Variants in BDH1 observed in about 807,000 individuals in gnomAD.
BDH1 encodes the protein D-beta-hydroxybutyrate dehydrogenase, mitochondrial.
BDH1 carries 30 observed loss-of-function variants against 33.1 expected under a neutral mutation model. That is an observed-to-expected ratio of 0.91 (90% CI 0.68 to 1.23). BDH1 has a LOEUF of 1.23. BDH1 is among the 50% of genes most tolerant of loss of function. The pLI, the probability that BDH1 is intolerant of heterozygous loss-of-function variation, is 0.00. For synonymous variants in BDH1, 190 were observed against 183.6 expected (o/e 1.03, Z -0.28); for missense variants, 443 against 464.4 (o/e 0.95, Z 0.42).
rs978861737 is a variant in BDH1 at position 197,516,327 on chromosome 3, C to T, written c.410-1911G>A. Among the ~76,000 whole-genome samples the T allele has an allele frequency of 3.3e-5, 5 of 152,150 alleles. No homozygotes were observed. Among genetic ancestry groups the T allele is most frequent in the African/African-American group, 1.2e-4 (5 of 41,414 alleles). On this transcript the variant is annotated intron_variant, in intron 6 of 7. Coordinates refer to ENST00000392379, the MANE Select transcript of BDH1 (RefSeq NM_203314.3). This position sits in a 1 kb window ranked among gnomAD's most constrained non-coding sequence, Gnocchi z 4.2. ...TCCCATGACTTAAAATGCATACAGC[C>T]CTTTCTCTACCTAAAAATAAAACAA... is the stretch of plus-strand genomic sequence containing the variant.
At chr3:197,561,783 AAACAAC>A (rs564335985) in intron 1 of BDH1, among the ~76,000 whole-genome samples, 1 of 152,158 alleles carries the variant, frequency 6.6e-6, no homozygotes. Flanking sequence ...CAAACAAACA[AAACAAC>A]AACAACAACA....
At chr3:197,549,310 C>T (rs1716357582) in intron 2 of BDH1, among the ~76,000 whole-genome samples, 1 of 152,178 alleles carries the variant, frequency 6.6e-6, no homozygotes, top group Non-Finnish European at 1.5e-5. Context: ...AGGGCCCGCT[C>T]CACTGTCAAG....
chr3:197,526,477 T>C lies in BDH1; in HGVS notation c.268-3696A>G, dbSNP rs1215130949. Among the ~76,000 whole-genome samples the C allele has an allele frequency of 6.6e-6, 1 of 152,148 alleles. No individual in the cohort carries two copies. Among genetic ancestry groups the C allele is most frequent in the African/African-American group, 2.4e-5 (1 of 41,422 alleles). ...GCCAGCTCTTCCTTCTTGGGGTGCT[T>C]CTGTGGAGTCTACAAAGATTCTGCC... On this transcript the variant is annotated intron_variant, in intron 5 of 7. Coordinates refer to ENST00000392379, the MANE Select transcript of BDH1 (RefSeq NM_203314.3). The surrounding 1 kb of genome is among the most constrained non-coding windows in gnomAD (Gnocchi z 4.7).
intron 1 of BDH1, among the ~76,000 whole-genome samples, chr3:197,566,377 G>C (rs1717433744): frequency 6.6e-6 from 1 of 152,206 alleles, no homozygotes; most frequent in African/African-American, 2.4e-5. Context: ...TGTGTCATAA[G>C]TAAAGAATGT....
At chr3:197,513,377 G>A (rs1047012634) in intron 7 of BDH1, among the ~76,000 whole-genome samples, 2 of 149,630 alleles carry the variant, frequency 1.3e-5, no homozygotes, top group African/African-American at 4.9e-5. Flanking sequence ...GCCCATCCAG[G>A]TGTGCCCCCG....
rs549583836 is a variant in BDH1 at position 197,562,539 on chromosome 3, T to A, written c.-44+10642A>T. On this transcript the variant is annotated intron_variant, in intron 1 of 6. Coordinates refer to the BDH1 transcript ENST00000358186. ...CCCTGCAGGGAAATCCCCAGAAAAA[T>A]TTAATTTTAAAAATGGGTCATCCAG... 7.3e-4 allele frequency among the ~76,000 whole-genome samples: 111 copies of A among 151,790 alleles called. 1 individual carries two copies. The highest frequency in any genetic ancestry group is 2.3e-3 in the African/African-American group (94 of 41,360).
intron 3 of BDH1, among the ~76,000 whole-genome samples, chr3:197,536,687 A>G (rs1370763688): frequency 6.6e-6 from 1 of 152,112 alleles, no homozygotes; most frequent in Non-Finnish European, 1.5e-5. Context: ...CTAAAAATAC[A>G]AAAAACCAGC....
At chr3:197,530,231 T>G (rs929294035) in intron 5 of BDH1, 1 of 152,132 alleles carries the variant, frequency 6.6e-6, no homozygotes, top group Non-Finnish European at 1.5e-5. Context: ...TGTGTGGAAA[T>G]AGGCACTCAT....
chr3:197,543,217 G>C, intron 3 of BDH1: 6 of 979,320 alleles, frequency 6.1e-6, no homozygotes, highest in Non-Finnish European at 7.3e-6. Flanking sequence ...GGTGCAGCTC[G>C]GGAGAAATAT....
intron 2 of BDH1, among the ~76,000 whole-genome samples, chr3:197,550,370 C>G (rs1478256962): frequency 6.6e-6 from 1 of 152,192 alleles, no homozygotes; most frequent in East Asian, 1.9e-4. Flanking sequence ...TCGGTGGCGA[C>G]CAGTTCTCCT....
rs1251368048 is a variant in BDH1 at position 197,520,583 on chromosome 3, G to A, written c.409+2057C>T. On this transcript the variant is annotated intron_variant, in intron 6 of 7. Transcript: ENST00000392379. The surrounding 1 kb of genome is among the most constrained non-coding windows in gnomAD (Gnocchi z 6.0). ...ACCGCCAGCCTGAGCAAGCCGGCCTGGTGCGTTCTCTGCTTGGGTCTCCGG... is the reference window on the plus strand; with the variant it reads ...ACCGCCAGCCTGAGCAAGCCGGCCTAGTGCGTTCTCTGCTTGGGTCTCCGG... 2.6e-5 allele frequency among the ~76,000 whole-genome samples: 4 copies of A among 152,164 alleles called. No individual in the cohort carries two copies. The highest frequency in any genetic ancestry group is 7.2e-5 in the African/African-American group (3 of 41,446).
chr3:197,547,205 G>A (rs1292633794), intron 2 of BDH1, among the ~76,000 whole-genome samples: 3 of 152,316 alleles, frequency 2.0e-5, no homozygotes, highest in South Asian at 4.1e-4. Context: ...TAGGCACCAC[G>A]ACTCTTCAGC....
In BDH1 at chr3:197,522,892, G is replaced by A. The variant is rs1012825622; in HGVS notation, c.268-111C>T. ...CCTCAAGTCCCAGCCAAAGCCTCAGGCATACTGGCAACTGCCCATGGGCCT... is the reference window on the plus strand; with the variant it reads ...CCTCAAGTCCCAGCCAAAGCCTCAGACATACTGGCAACTGCCCATGGGCCT... On this transcript the variant is annotated intron_variant, in intron 5 of 7. Coordinates refer to ENST00000392379, the MANE Select transcript of BDH1 (RefSeq NM_203314.3). This position sits in a 1 kb window ranked among gnomAD's most constrained non-coding sequence, Gnocchi z 4.8. 2 of 1,356,470 alleles carry A rather than the reference G, an allele frequency of 1.5e-6. No individual in the cohort carries two copies. Among genetic ancestry groups the A allele is most frequent in the African/African-American group, 2.9e-5 (2 of 68,770 alleles). 84.0% of individuals were successfully genotyped at this position (1,356,470 alleles called of 1,614,324 possible).
intron 5 of BDH1, among the ~76,000 whole-genome samples, chr3:197,531,706 T>C (rs1438953392): frequency 6.6e-6 from 1 of 152,084 alleles, no homozygotes; most frequent in Non-Finnish European, 1.5e-5. Context: ...TAACTGCCAA[T>C]GGTCAAGAGA....
rs147658212 is a variant in BDH1, at chr3:197,572,485, C to T, written c.-44+696G>A. Among the ~76,000 whole-genome samples, 19 of 152,340 alleles carry T rather than the reference C, an allele frequency of 1.2e-4. No individual in the cohort carries two copies. The East Asian group carries it at 3.7e-3, about 29-fold the overall frequency. On this transcript the variant is annotated intron_variant, in intron 1 of 6. Coordinates refer to the BDH1 transcript ENST00000358186. Reference sequence around the variant, plus strand: ...AATTGTTCTGGTGATATTTTCCAGACCTCCCTGTACCCAGTTACAGCAATA... The same window carrying T: ...AATTGTTCTGGTGATATTTTCCAGATCTCCCTGTACCCAGTTACAGCAATA...
At chr3:197,572,680 T>C (rs534422732) in intron 1 of BDH1, among the ~76,000 whole-genome samples, 1 of 152,240 alleles carries the variant, frequency 6.6e-6, no homozygotes, top group South Asian at 2.1e-4. Flanking sequence ...GAGGCTGCAG[T>C]GAGGTATGAT....
At chr3:197,532,021 C>T (rs908292416) in intron 5 of BDH1, among the ~76,000 whole-genome samples, 3 of 152,190 alleles carry the variant, frequency 2.0e-5, no homozygotes, top group South Asian at 2.1e-4. Flanking sequence ...CTTCCTCCTA[C>T]ACAGTCTCGC....
At chr3:197,542,688 A>G (rs1715754319) in intron 3 of BDH1, among the ~76,000 whole-genome samples, 1 of 151,260 alleles carries the variant, frequency 6.6e-6, no homozygotes. Context: ...AGGCCCGGCT[A>G]ATTTTGTATT....
In BDH1 at chr3:197,522,909, C is replaced by T. The variant is rs528667033; in HGVS notation, c.268-128G>A. 12 of 1,150,454 alleles carry T rather than the reference C, an allele frequency of 1.0e-5. No individual in the cohort carries two copies. Among genetic ancestry groups the T allele is most frequent in the African/African-American group, 3.1e-5 (2 of 64,632 alleles). The allele number at this position is 1,150,454 out of a possible 1,614,324, so 71.3% of individuals were successfully genotyped here. ...AGCCTCAGGCATACTGGCAACTGCC[C>T]ATGGGCCTGGCCCACCAGCATGCGG... On this transcript the variant is annotated intron_variant, in intron 5 of 7. Transcript: ENST00000392379. This position sits in a 1 kb window ranked among gnomAD's most constrained non-coding sequence, Gnocchi z 4.8.
Sources: gnomAD v4.1 joint callset for allele counts (sites outside exome capture counted in the v4.1 genomes callset) on GRCh38, gnomAD v4.1.1 for gene constraint, Gnocchi (gnomAD v3.1) non-coding constraint, MANE v1.5 for transcripts, NCBI Gene and HGNC (gene_info 2026-07-23, HGNC 2026-07-21) for gene names.